FRAT2: variants seen among roughly 807,000 people sequenced by gnomAD.
FRAT2 encodes the protein GSK-3-binding protein FRAT2.
For missense variants in FRAT2, 326 were observed against 340.8 expected (o/e 0.96, Z 0.34); for synonymous variants, 205 against 171.5 (o/e 1.20, Z -1.53).
At position 97,332,864 on chromosome 10, in the gene FRAT2, C is replaced by T. The variant is rs956764090; in HGVS notation, c.*1007G>A. ...GGGCCAGAAGAGAGCAGAAAAACGT[C>T]CAGGGTCTCTCATGCATTCCTATAG... On this transcript the variant is annotated 3_prime_UTR_variant, in exon 1 of 1. Coordinates refer to ENST00000371019, the MANE Select transcript of FRAT2 (RefSeq NM_012083.3). 2 of 152,224 alleles carry T rather than the reference C, an allele frequency of 1.3e-5. No individual in the cohort carries two copies. The highest frequency in any genetic ancestry group is 4.8e-5 in the African/African-American group (2 of 41,430). The allele number at this position is 152,224 out of a possible 1,614,324, so 9.4% of individuals were successfully genotyped here.
rs754474171 is a variant in FRAT2, at chr10:97,334,018, C to T, written c.555G>A (p.Ser185=). 7 of 1,595,706 alleles carry T rather than the reference C, an allele frequency of 4.4e-6. No homozygotes were observed. The highest frequency in any genetic ancestry group is 5.9e-6 in the Non-Finnish European group (7 of 1,178,454). Residue 185 remains serine, a synonymous_variant, in exon 1 of 1, where the codon TCG becomes TCA. Coordinates refer to ENST00000371019, the MANE Select transcript of FRAT2 (RefSeq NM_012083.3). ...PHRLLQQLVL[S]GNLIKEAVRR... ...GCACGGCTTCCTTGATGAGGTTTCC[C>T]GAGAGCACGAGCTGCTGGAGGAGCC... is the stretch of plus-strand genomic sequence containing the variant.
In FRAT2 at chr10:97,333,922, G is replaced by A. The variant is rs1220756016; in HGVS notation, c.651C>T (p.Gly217=). ...GPASAPGPGG[G]RSGPDRIALQ... is the part of the protein sequence containing the mutation. ...GGGCAATGCGGTCAGGTCCGCTGCG[G>A]CCTCCCCCGGGCCCAGGGGCGCTTG... Residue 217 remains glycine (G), a synonymous_variant, in exon 1 of 1, where the codon GGC becomes GGT. Transcript: ENST00000371019. 1.3e-6 allele frequency: 2 copies of A among 1,571,258 alleles called. No homozygotes were observed. Among genetic ancestry groups the A allele is most frequent in the Middle Eastern group, 1.7e-4 (1 of 5,734 alleles).
At position 97,334,324 on chromosome 10, in the gene FRAT2, C is replaced by G; in HGVS notation, c.249G>C (p.Ala83=). 1.7e-6 allele frequency: 2 copies of G among 1,148,886 alleles called. No individual in the cohort carries two copies. Among genetic ancestry groups the G allele is most frequent in the Non-Finnish European group, 2.1e-6 (2 of 936,042 alleles). 71.2% of individuals were successfully genotyped at this position (1,148,886 alleles called of 1,614,324 possible). ...APGPLAAAVP[A]DKARPPAVPL... is the part of the protein sequence containing the mutation. ...GCACCGCCGGGGGCCGGGCCTTGTCCGCCGGCACCGCCGCAGCCAGGGGCC... is the reference window on the plus strand; with the variant it reads ...GCACCGCCGGGGGCCGGGCCTTGTCGGCCGGCACCGCCGCAGCCAGGGGCC... Residue 83 remains alanine (A), a synonymous_variant, in exon 1 of 1, where the codon GCG becomes GCC. Coordinates refer to ENST00000371019, the MANE Select transcript of FRAT2 (RefSeq NM_012083.3).
At position 97,334,355 on chromosome 10, in the gene FRAT2, G is replaced by C; in HGVS notation, c.218C>G (p.Ala73Gly). Reference sequence around the variant, plus strand: ...CACCGCCGCAGCCAGGGGCCCCGGGGCCCGCAGCGGCACCCCCGGGGGCGC... The same window carrying C: ...CACCGCCGCAGCCAGGGGCCCCGGGCCCCGCAGCGGCACCCCCGGGGGCGC... Reference protein sequence around the residue: ...PCAPPGVPLRAPGPLAAAVPA... With the variant: ...PCAPPGVPLRGPGPLAAAVPA... Residue 73 changes from alanine (A) to glycine (G), a missense_variant, in exon 1 of 1, where the codon GCC (alanine) becomes GGC (glycine). Physicochemically the swap from Ala to Gly is moderately conservative, Grantham distance 60. Coordinates refer to ENST00000371019, the MANE Select transcript of FRAT2 (RefSeq NM_012083.3). 8.3e-7 allele frequency: 1 copy of C among 1,207,520 alleles called. No individual in the cohort carries two copies. The highest frequency in any genetic ancestry group is 1.6e-5 in the African/African-American group (1 of 63,238). 74.8% of individuals were successfully genotyped at this position (1,207,520 alleles called of 1,614,324 possible). A position where few individuals can be genotyped will look rare whatever the true frequency, so the allele number is the denominator to read the frequency against.
In FRAT2 at chr10:97,334,648, C is replaced by G. The variant is rs1436684276; in HGVS notation, c.-76G>C. The G allele has an allele frequency of 3.9e-5, 50 of 1,296,426 alleles. No individual in the cohort carries two copies. The highest frequency in any genetic ancestry group is 4.8e-5 in the Non-Finnish European group (49 of 1,019,322). 80.3% of individuals were successfully genotyped at this position (1,296,426 alleles called of 1,614,324 possible). Reference sequence around the variant, plus strand: ...TTGCCCGCGGGCGCGGAGCTGCGGGCGAAGCCGGAGCAGGGGCGGACGCGG... The same window carrying G: ...TTGCCCGCGGGCGCGGAGCTGCGGGGGAAGCCGGAGCAGGGGCGGACGCGG... On this transcript the variant is annotated 5_prime_UTR_variant, in exon 1 of 1. Coordinates refer to ENST00000371019, the MANE Select transcript of FRAT2 (RefSeq NM_012083.3).
Position 97,333,956 on chromosome 10 carries a change from G to A in FRAT2, c.617C>T (p.Thr206Met). The A allele has an allele frequency of 6.3e-7, 1 of 1,578,396 alleles. No homozygotes were observed. Among genetic ancestry groups the A allele is most frequent in the Non-Finnish European group, 8.5e-7 (1 of 1,169,744 alleles). Residue 206 changes from threonine to methionine, a missense_variant, in exon 1 of 1, where the codon ACG becomes ATG. Coordinates refer to ENST00000371019, the MANE Select transcript of FRAT2 (RefSeq NM_012083.3). ...GGGCCCAGGGGCGCTTGCGGGGCCC[G>A]TGGCTGCAACCGCGGCGACGGCTCG... ...LQRAVAAVAA[T>M]GPASAPGPGG...
Position 97,333,951 on chromosome 10 carries a change from G to A in FRAT2, c.622C>T (p.Pro208Ser), listed in dbSNP as rs1455215153. 1 of 1,577,112 alleles carries A rather than the reference G, an allele frequency of 6.3e-7. No individual in the cohort carries two copies. Among genetic ancestry groups the A allele is most frequent in the South Asian group, 1.1e-5 (1 of 87,714 alleles). The change falls in exon 1 of 1, where the codon CCC becomes TCC. Residue 208 changes from proline to serine, a missense_variant. By Grantham distance (74) the Pro-to-Ser change is moderately conservative (BLOSUM62 -1). Transcript: ENST00000371019. ...CCCCCGGGCCCAGGGGCGCTTGCGG[G>A]GCCCGTGGCTGCAACCGCGGCGACG... is the stretch of plus-strand genomic sequence containing the variant. The part of the protein sequence containing the change: ...RAVAAVAATG[P>S]ASAPGPGGGR...
In FRAT2 at chr10:97,332,582, T is replaced by C. The variant is rs1393872912; in HGVS notation, c.*1289A>G. On this transcript the variant is annotated 3_prime_UTR_variant, in exon 1 of 1. Transcript: ENST00000371019. Reference sequence around the variant, plus strand: ...GACCACCACAATTTCAGACACTCCGTTGCGAAGTGTACATCAATAGCTACA... The same window carrying C: ...GACCACCACAATTTCAGACACTCCGCTGCGAAGTGTACATCAATAGCTACA... The C allele has an allele frequency of 1.3e-5, 2 of 152,202 alleles. No individual in the cohort carries two copies. Among genetic ancestry groups the C allele is most frequent in the African/African-American group, 2.4e-5 (1 of 41,458 alleles). 9.4% of individuals were successfully genotyped at this position (152,202 alleles called of 1,614,324 possible).
Position 97,334,190 on chromosome 10 carries a change from T to G in FRAT2, c.383A>C (p.Tyr128Ser). 1 of 1,325,254 alleles carries G rather than the reference T, an allele frequency of 7.5e-7. No homozygotes were observed. Among genetic ancestry groups the G allele is most frequent in the Non-Finnish European group, 9.6e-7 (1 of 1,045,264 alleles). 82.1% of individuals were successfully genotyped at this position (1,325,254 alleles called of 1,614,324 possible). Residue 128 changes from tyrosine (Y) to serine (S), a missense_variant, in exon 1 of 1, where the codon TAC (tyrosine) becomes TCC (serine). By Grantham distance (144) the Tyr-to-Ser change is moderately radical. Transcript: ENST00000371019. ...GCCTGCGGCGACCTCCGCCACGCAG[T>G]AGGGCGCAGCGCGTCCGCGCACGCG... ...RGRVRGRAAP[Y>S]CVAEVAAGPS... is the part of the protein sequence containing the mutation.
At position 97,334,617 on chromosome 10, in the gene FRAT2, G is replaced by A. The variant is rs548606822; in HGVS notation, c.-45C>T. On this transcript the variant is annotated 5_prime_UTR_variant, in exon 1 of 1. Coordinates refer to ENST00000371019, the MANE Select transcript of FRAT2 (RefSeq NM_012083.3). ...CGGAGCTGTGCGGGCTTCGCTGGGG[G>A]CTTGGTTGCCCGCGGGCGCGGAGCT... 3.0e-6 allele frequency: 4 copies of A among 1,320,802 alleles called. No individual in the cohort carries two copies. Among genetic ancestry groups the A allele is most frequent in the South Asian group, 1.9e-5 (1 of 53,678 alleles). 81.8% of individuals were successfully genotyped at this position (1,320,802 alleles called of 1,614,324 possible).
At position 97,334,139 on chromosome 10, in the gene FRAT2, C is replaced by T. The variant is rs779258474; in HGVS notation, c.434G>A (p.Arg145Gln). 9 of 1,518,504 alleles carry T rather than the reference C, an allele frequency of 5.9e-6. No individual in the cohort carries two copies. The highest frequency in any genetic ancestry group is 1.4e-5 in the African/African-American group (1 of 70,118). The allele number at this position is 1,518,504 out of a possible 1,614,324, so 94.1% of individuals were successfully genotyped here. A position where few individuals can be genotyped will look rare whatever the true frequency, so the allele number is the denominator to read the frequency against. ...AGPSALPGPC[R>Q]RGWLRDAVTS... Reference sequence around the variant, plus strand: ...GACCGCGTCCCTGAGCCATCCTCGCCGGCACGGCCCCGGCAGCGCGCTGGG... The same window carrying T: ...GACCGCGTCCCTGAGCCATCCTCGCTGGCACGGCCCCGGCAGCGCGCTGGG... Residue 145 changes from arginine to glutamine, a missense_variant, in exon 1 of 1, where the codon CGG becomes CAG. Physicochemically the swap from Arg to Gln is conservative, Grantham distance 43 (BLOSUM62 1). Transcript: ENST00000371019.
chr10:97,334,484 T>C lies in FRAT2; in HGVS notation c.89A>G (p.Gln30Arg), dbSNP rs748305085. Residue 30 changes from glutamine to arginine, a missense_variant, in exon 1 of 1, where the codon CAG (glutamine) becomes CGG (arginine). By Grantham distance (43) the Gln-to-Arg change is conservative. Coordinates refer to ENST00000371019, the MANE Select transcript of FRAT2 (RefSeq NM_012083.3). Reference protein sequence around the residue: ...EEDDSFLLLQQSVTLGSSGEV... With the variant: ...EEDDSFLLLQRSVTLGSSGEV... The stretch of plus-strand genomic sequence containing the variant: ...GCCCGAGCTGCCCAGCGTCACCGAC[T>C]GCTGCAGCAGGAGGAAGCTGTCGTC... 1.2e-5 allele frequency: 18 copies of C among 1,493,648 alleles called. No homozygotes were observed. The highest frequency in any genetic ancestry group is 3.7e-5 in the South Asian group (3 of 80,368). 92.5% of individuals were successfully genotyped at this position (1,493,648 alleles called of 1,614,324 possible). A position where few individuals can be genotyped will look rare whatever the true frequency, so the allele number is the denominator to read the frequency against.
rs1245138317 is a variant in FRAT2 at position 97,334,495 on chromosome 10, G to T, written c.78C>A (p.Leu26=). The change falls in exon 1 of 1, where the codon CTC becomes CTA. Residue 26 remains leucine (L), a synonymous_variant. Transcript: ENST00000371019. ...CCAGCGTCACCGACTGCTGCAGCAGGAGGAAGCTGTCGTCCTCCTCTTCCT... is the reference window on the plus strand; with the variant it reads ...CCAGCGTCACCGACTGCTGCAGCAGTAGGAAGCTGTCGTCCTCCTCTTCCT... ...EGEEEEDDSF[L]LLQQSVTLGS... 3 of 1,493,972 alleles carry T rather than the reference G, an allele frequency of 2.0e-6. No individual in the cohort carries two copies. The highest frequency in any genetic ancestry group is 1.8e-4 in the Middle Eastern group (1 of 5,640). 92.5% of individuals were successfully genotyped at this position (1,493,972 alleles called of 1,614,324 possible). A position where few individuals can be genotyped will look rare whatever the true frequency, so the allele number is the denominator to read the frequency against.
In FRAT2 at chr10:97,333,752, C is replaced by G; in HGVS notation, c.*119G>C. 2 of 1,170,452 alleles carry G rather than the reference C, an allele frequency of 1.7e-6. No individual in the cohort carries two copies. Among genetic ancestry groups the G allele is most frequent in the Non-Finnish European group, 2.2e-6 (2 of 890,710 alleles). 72.5% of individuals were successfully genotyped at this position (1,170,452 alleles called of 1,614,324 possible). A position where few individuals can be genotyped will look rare whatever the true frequency, so the allele number is the denominator to read the frequency against. On this transcript the variant is annotated 3_prime_UTR_variant, in exon 1 of 1. Transcript: ENST00000371019. ...GTTGAGATCTCTCCCCACGCGCCTC[C>G]CCGCAGCCAAAGTGGTCGCTCCCAG...
In FRAT2 at chr10:97,334,246, C is replaced by A; in HGVS notation, c.327G>T (p.Gly109=). The A allele has an allele frequency of 4.2e-6, 5 of 1,198,194 alleles. No homozygotes were observed. Among genetic ancestry groups the A allele is most frequent in the Non-Finnish European group, 5.2e-6 (5 of 967,622 alleles). The allele number at this position is 1,198,194 out of a possible 1,614,324, so 74.2% of individuals were successfully genotyped here. The change falls in exon 1 of 1, where the codon GGG becomes GGT. Residue 109 remains glycine (G), a synonymous_variant. Coordinates refer to ENST00000371019, the MANE Select transcript of FRAT2 (RefSeq NM_012083.3). The part of the protein sequence containing the change: ...SAETVGPAPS[G]ALRCALGDRG... ...GGTCCCCTAGGGCGCAGCGCAGGGC[C>A]CCAGAGGGCGCCGGGCCCACCGTCT...
Position 97,334,029 on chromosome 10 carries a change from G to A in FRAT2, c.544C>T (p.Leu182Phe), listed in dbSNP as rs1379958417. The A allele has an allele frequency of 4.4e-6, 7 of 1,595,972 alleles. No individual in the cohort carries two copies. The highest frequency in any genetic ancestry group is 5.9e-6 in the Non-Finnish European group (7 of 1,178,686). ...TTGATGAGGTTTCCCGAGAGCACGA[G>A]CTGCTGGAGGAGCCGATGCGGGTCG... ...DDDPHRLLQQ[L>F]VLSGNLIKEA... is the part of the protein sequence containing the mutation. The change falls in exon 1 of 1, where the codon CTC becomes TTC. Residue 182 changes from leucine (L) to phenylalanine (F), a missense_variant. By Grantham distance (22) the Leu-to-Phe change is conservative. Coordinates refer to ENST00000371019, the MANE Select transcript of FRAT2 (RefSeq NM_012083.3).
At position 97,333,881 on chromosome 10, in the gene FRAT2, G is replaced by C. The variant is rs778485689; in HGVS notation, c.692C>G (p.Ser231Cys). 2.0e-6 allele frequency: 3 copies of C among 1,532,656 alleles called. No individual in the cohort carries two copies. In the African/African-American group the frequency reaches 4.1e-5, roughly 21 times the overall value. The allele number at this position is 1,532,656 out of a possible 1,614,324, so 94.9% of individuals were successfully genotyped here. A position where few individuals can be genotyped will look rare whatever the true frequency, so the allele number is the denominator to read the frequency against. The part of the protein sequence containing the change: ...PDRIALQPSG[S>C]LL ...TCCAGGAGGCCTGCGTCAGAGCAAG[G>C]AGCCTGAGGGCTGCAGGGCAATGCG... Residue 231 changes from serine to cysteine, a missense_variant, in exon 1 of 1, where the codon TCC becomes TGC. Ser to Cys is a moderately radical substitution (Grantham distance 112). Coordinates refer to ENST00000371019, the MANE Select transcript of FRAT2 (RefSeq NM_012083.3).
rs1206459101 is a variant in FRAT2, at chr10:97,334,212, C to A, written c.361G>T (p.Val121Leu). Residue 121 changes from valine (V) to leucine (L), a missense_variant, in exon 1 of 1, where the codon GTG becomes TTG. Coordinates refer to ENST00000371019, the MANE Select transcript of FRAT2 (RefSeq NM_012083.3). ...LRCALGDRGR[V>L]RGRAAPYCVA... ...CAGTAGGGCGCAGCGCGTCCGCGCA[C>A]GCGGCCGCGGTCCCCTAGGGCGCAG... 1.6e-6 allele frequency: 2 copies of A among 1,253,186 alleles called. No homozygotes were observed. Among genetic ancestry groups the A allele is most frequent in the South Asian group, 3.0e-5 (1 of 33,714 alleles). The allele number at this position is 1,253,186 out of a possible 1,614,324, so 77.6% of individuals were successfully genotyped here.
Position 97,333,365 on chromosome 10 carries a change from A to G in FRAT2, c.*506T>C, listed in dbSNP as rs1843543016. ...GGCAATGCCAAGCCACCCACCACCA[A>G]ACTTTTACATTCTTCTCCCCTCTGG... On this transcript the variant is annotated 3_prime_UTR_variant, in exon 1 of 1. Coordinates refer to ENST00000371019, the MANE Select transcript of FRAT2 (RefSeq NM_012083.3). The G allele has an allele frequency of 1.3e-5, 2 of 152,738 alleles. No individual in the cohort carries two copies. The highest frequency in any genetic ancestry group is 1.5e-5 in the Non-Finnish European group (1 of 68,434). 9.5% of individuals were successfully genotyped at this position (152,738 alleles called of 1,614,324 possible). A position where few individuals can be genotyped will look rare whatever the true frequency, so the allele number is the denominator to read the frequency against.
Sources: gnomAD v4.1 joint callset for allele counts on GRCh38, gnomAD v4.1.1 for gene constraint, MANE v1.5 for transcripts, NCBI Gene and HGNC (gene_info 2026-07-23, HGNC 2026-07-21) for gene names.